Variants in CLC observed in about 807,000 individuals in gnomAD.
The protein encoded by CLC is Charcot-Leyden crystal galectin, also known as galectin-10.
Under a neutral mutation model 13.9 loss-of-function variants are expected in CLC, and 15 were observed. The ratio of observed to expected loss-of-function variants is 1.08; its 90% CI spans 0.72 to 1.66. The LOEUF is 1.66. CLC is among the 40% of genes most tolerant of loss of function. The pLI is 0.00. For synonymous variants in CLC, 68 were observed against 59.9 expected (o/e 1.14, Z -0.63); for missense variants, 161 against 169.1 (o/e 0.95, Z 0.27).
At chr19:39,737,152 G>T (rs1736593151) in intron 1 of CLC, among the ~76,000 whole-genome samples, 1 of 151,948 alleles carries the variant, frequency 6.6e-6, no homozygotes. Flanking sequence ...GACAGGGAGA[G>T]ACCTGAGGCT....
chr19:39,736,097 T>G (rs1967304697), intron 1 of CLC, among the ~76,000 whole-genome samples: 1 of 152,132 alleles, frequency 6.6e-6, no homozygotes, highest in African/African-American at 2.4e-5. Flanking sequence ...TGTATCATTT[T>G]ACATCCCTCC....
At position 39,735,042 on chromosome 19, in the gene CLC, G is replaced by T; in HGVS notation, c.47C>A (p.Thr16Asn). The change falls in exon 2 of 4, where the codon ACT (threonine) becomes AAT (asparagine). Residue 16 changes from threonine (T) to asparagine (N), a missense_variant. Physicochemically the swap from Thr to Asn is moderately conservative, Grantham distance 65. Coordinates refer to ENST00000221804, the MANE Select transcript of CLC (RefSeq NM_001828.6). Reference protein sequence around the residue: ...VPYTEAASLSTGSTVTIKGRP... With the variant: ...VPYTEAASLSNGSTVTIKGRP... ...CCCTTTGATTGTCACAGTAGAACCAGTAGACAAAGAGGCAGCCTCTGTGTA... is the reference window on the plus strand; with the variant it reads ...CCCTTTGATTGTCACAGTAGAACCATTAGACAAAGAGGCAGCCTCTGTGTA... 17 of 1,613,940 alleles carry T rather than the reference G, an allele frequency of 1.1e-5. No homozygotes were observed. Among genetic ancestry groups the T allele is most frequent in the Non-Finnish European group, 1.4e-5 (17 of 1,179,828 alleles).
intron 2 of CLC, among the ~76,000 whole-genome samples, chr19:39,734,737 C>G (rs1188695688): frequency 6.6e-6 from 1 of 152,170 alleles, no homozygotes; most frequent in Non-Finnish European, 1.5e-5. Flanking sequence ...TGCCCATTTT[C>G]TGAATATTCT....
At chr19:39,733,116 G>A (rs558723169) in intron 3 of CLC, among the ~76,000 whole-genome samples, 1 of 145,390 alleles carries the variant, frequency 6.9e-6, no homozygotes, top group East Asian at 2.0e-4. Flanking sequence ...GTGGGCGAAC[G>A]ACATGAACAG....
chr19:39,735,901 C>T (rs1295935678), intron 1 of CLC, among the ~76,000 whole-genome samples: 2 of 152,114 alleles, frequency 1.3e-5, no homozygotes, highest in Non-Finnish European at 2.9e-5. Flanking sequence ...CAGTAAGAAA[C>T]AACAACTTTG....
rs1335685365 is a variant in CLC at position 39,731,511 on chromosome 19, G to A, written c.304-6C>T. 6.3e-7 allele frequency: 1 copy of A among 1,593,724 alleles called. No homozygotes were observed. The highest frequency in any genetic ancestry group is 1.7e-5 in the Admixed American group (1 of 57,690). On this transcript the variant is annotated splice_polypyrimidine_tract_variant and splice_region_variant and intron_variant, in intron 3 of 3. Transcript: ENST00000221804. ...GATTGGCCATTGACCATTACCTACA[G>A]AAGGAAAAAAATACATCAGAAAGAC...
chr19:39,734,528 T>A (rs399641), intron 2 of CLC, 35 bp from the exon 3 acceptor site: 1,033,948 of 1,570,908 alleles, frequency 0.66, 345,759 homozygotes, highest in African/African-American at 0.76. Context: ...AGCAGGTCCC[T>A]TTCTTGTGGG....
chr19:39,735,624 A>G (rs1346049299), intron 1 of CLC, among the ~76,000 whole-genome samples: 2 of 152,166 alleles, frequency 1.3e-5, no homozygotes, highest in Non-Finnish European at 2.9e-5. Context: ...CAGCAAGGGG[A>G]CCTTAGATCT....
intron 3 of CLC, among the ~76,000 whole-genome samples, chr19:39,732,688 C>T (rs1283426589): frequency 6.9e-6 from 1 of 145,704 alleles, no homozygotes; most frequent in East Asian, 2.0e-4. Flanking sequence ...AACTAGTTTA[C>T]AGTCCCACCA....
chr19:39,735,029 C>T lies in CLC; in HGVS notation c.60G>A (p.Val20=). The change falls in exon 2 of 4, where the codon GTG becomes GTA. Residue 20 remains valine (V), a synonymous_variant. Transcript: ENST00000221804. ...AGGCAAGTGGTCGCCCTTTGATTGT[C>T]ACAGTAGAACCAGTAGACAAAGAGG... ...EAASLSTGST[V]TIKGRPLACF... is the part of the protein sequence containing the mutation. 1 of 1,613,886 alleles carries T rather than the reference C, an allele frequency of 6.2e-7. No individual in the cohort carries two copies. The highest frequency in any genetic ancestry group is 1.1e-5 in the South Asian group (1 of 91,066).
At position 39,734,403 on chromosome 19, in the gene CLC, A is replaced by G; in HGVS notation, c.183T>C (p.Arg61=). The G allele has an allele frequency of 6.2e-7, 1 of 1,614,124 alleles. No individual in the cohort carries two copies. Among genetic ancestry groups the G allele is most frequent in the Non-Finnish European group, 8.5e-7 (1 of 1,179,976 alleles). The change falls in exon 3 of 4, where the codon CGT becomes CGC. Residue 61 remains arginine (R), a synonymous_variant. Transcript: ENST00000221804. ...VFHFQVCFGR[R]VVMNSREYGA... is the part of the protein sequence containing the mutation. ...CATACTCACGGCTGTTCATGACCAC[A>G]CGACGACCAAAGCACACTTGGAAAT...
Position 39,734,175 on chromosome 19 carries a change from A to G in CLC, c.303+108T>C, listed in dbSNP as rs1268231078. 7 of 1,403,036 alleles carry G rather than the reference A, an allele frequency of 5.0e-6. No individual in the cohort carries two copies. The African/African-American group carries it at 1.0e-4, about 20-fold the overall frequency. 86.9% of individuals were successfully genotyped at this position (1,403,036 alleles called of 1,614,324 possible). A position where few individuals can be genotyped will look rare whatever the true frequency, so the allele number is the denominator to read the frequency against. On this transcript the variant is annotated intron_variant, in intron 3 of 3. Transcript: ENST00000221804. ...CCTGGGATAAGGGGAGTTGTGGGTG[A>G]TGAAAAGCCGGGGACAGAGGGAGTT...
At chr19:39,735,404 A>G (rs1469068891) in intron 1 of CLC, among the ~76,000 whole-genome samples, 3 of 152,050 alleles carry the variant, frequency 2.0e-5, no homozygotes, top group Non-Finnish European at 2.9e-5. Context: ...GCCCACTTCA[A>G]CCTCAACCTC....
chr19:39,737,452 C>A (rs1443555025), intron 1 of CLC, among the ~76,000 whole-genome samples: 2 of 151,898 alleles, frequency 1.3e-5, no homozygotes, highest in African/African-American at 4.8e-5. Context: ...CAGTTCAACA[C>A]CCAGTCACAT....
intron 3 of CLC, 142 bp downstream of exon 3, chr19:39,734,141 G>T: frequency 7.1e-7 from 1 of 1,399,012 alleles, no homozygotes; most frequent in Non-Finnish European, 9.4e-7. Context: ...AGTTATGGGT[G>T]ATGAAAAGCC....
At chr19:39,734,193 A>T (rs375867) in intron 3 of CLC, 90 bp downstream of exon 3, 941,469 of 1,434,312 alleles carry the variant, frequency 0.66, 314,250 homozygotes, top group African/African-American at 0.76. Flanking sequence ...CCGGGGACAG[A>T]GGGAGTTATC....
intron 1 of CLC, 51 bp downstream of exon 1, chr19:39,737,887 C>T (rs1487288540): frequency 1.3e-6 from 2 of 1,578,074 alleles, no homozygotes; most frequent in Non-Finnish European, 1.7e-6. Flanking sequence ...TCTCCCTCTT[C>T]CCTTTTCTGT....
At chr19:39,737,078 C>A (rs1479407794) in intron 1 of CLC, among the ~76,000 whole-genome samples, 1 of 151,888 alleles carries the variant, frequency 6.6e-6, no homozygotes, top group Non-Finnish European at 1.5e-5. Flanking sequence ...TCTCTTAAAT[C>A]AAGTCCCTCA....
intron 1 of CLC, among the ~76,000 whole-genome samples, chr19:39,736,621 A>C (rs565640835): frequency 6.6e-6 from 1 of 152,142 alleles, no homozygotes; most frequent in African/African-American, 2.4e-5. Flanking sequence ...CTGAAAATAC[A>C]AAAATTAGCC....
Sources: gnomAD v4.1 joint callset for allele counts (sites outside exome capture counted in the v4.1 genomes callset) on GRCh38, gnomAD v4.1.1 for gene constraint, MANE v1.5 for transcripts, NCBI Gene and HGNC (gene_info 2026-07-23, HGNC 2026-07-21) for gene names.